Variants in TOM1 observed in about 807,000 individuals in gnomAD.
TOM1 encodes the protein target of Myb protein 1.
Under a neutral mutation model 61.3 loss-of-function variants are expected in TOM1, and 38 were observed. The ratio of observed to expected loss-of-function variants is 0.62; its 90% CI spans 0.48 to 0.81. The LOEUF (loss-of-function observed/expected upper bound fraction) is 0.81, where lower values mean the gene tolerates loss of function less well. Among genes scored for constraint, TOM1 ranks in the 40% least tolerant of loss-of-function variants. The pLI is 0.00. For missense variants in TOM1, 591 were observed against 659.6 expected (o/e 0.90, Z 1.14); for synonymous variants, 270 against 268.8 (o/e 1.00, Z -0.04).
chr22:35,337,537 G>T (rs1378179700), intron 11 of TOM1, among the ~76,000 whole-genome samples: 1 of 152,226 alleles, frequency 6.6e-6, no homozygotes, highest in African/African-American at 2.4e-5. Context: ...AGCAAACTCT[G>T]CCCCTGGTGG....
At chr22:35,315,284 G>T (rs936346091) in intron 1 of TOM1, among the ~76,000 whole-genome samples, 1 of 152,114 alleles carries the variant, frequency 6.6e-6, no homozygotes, top group African/African-American at 2.4e-5. Context: ...TGGCTAGGGA[G>T]GGAGATGACA....
At position 35,323,070 on chromosome 22, in the gene TOM1, G is replaced by T. The variant is rs200595303; in HGVS notation, c.259G>T (p.Val87Leu). The T allele has an allele frequency of 3.1e-6, 5 of 1,614,052 alleles. No individual in the cohort carries two copies. The South Asian group carries it at 4.4e-5, about 14-fold the overall frequency. ...CAAGAACTGCGGGCACCGCTTCCAC[G>T]TGCTGGTGGCCAGCCAGGACTTCGT... Reference protein sequence around the residue: ...CVKNCGHRFHVLVASQDFVES... With the variant: ...CVKNCGHRFHLLVASQDFVES... The change falls in exon 4 of 15, where the codon GTG becomes TTG. Residue 87 changes from valine to leucine, a missense_variant. By Grantham distance (32) the Val-to-Leu change is conservative. Coordinates refer to ENST00000449058, the MANE Select transcript of TOM1 (RefSeq NM_005488.3). This position sits in a 1 kb window ranked among gnomAD's most constrained non-coding sequence, Gnocchi z 4.2.
chr22:35,338,337 C>T (rs1467975081), intron 11 of TOM1, among the ~76,000 whole-genome samples: 2 of 152,184 alleles, frequency 1.3e-5, no homozygotes, highest in Admixed American at 1.3e-4. Flanking sequence ...CGACCTCATA[C>T]ACAACCACAG....
chr22:35,334,214 C>T, intron 10 of TOM1, 114 bp from the exon 11 acceptor site: 1 of 1,430,538 alleles, frequency 7.0e-7, no homozygotes, highest in Non-Finnish European at 9.4e-7. Flanking sequence ...ATTCCCCCAC[C>T]CACACGTGCC....
intron 12 of TOM1, among the ~76,000 whole-genome samples, chr22:35,340,595 A>G (rs576814105): frequency 6.6e-6 from 1 of 152,014 alleles, no homozygotes; most frequent in Non-Finnish European, 1.5e-5. Context: ...AAATATTTAA[A>G]AATTATCCGG....
intron 1 of TOM1, among the ~76,000 whole-genome samples, chr22:35,309,643 C>A (rs1230387442): frequency 2.7e-3 from 302 of 110,992 alleles, no homozygotes; most frequent in African/African-American, 3.6e-3. Flanking sequence ...GACTCCATCT[C>A]AAAAAAAAAA....
intron 2 of TOM1, among the ~76,000 whole-genome samples, chr22:35,321,203 T>A (rs1314273607): frequency 1.3e-5 from 2 of 151,934 alleles, no homozygotes; most frequent in Non-Finnish European, 2.9e-5. Flanking sequence ...AATGAAAACA[T>A]TATGCCTCCA....
chr22:35,303,078 A>G (rs1376192969), intron 1 of TOM1, among the ~76,000 whole-genome samples: 2 of 152,002 alleles, frequency 1.3e-5, no homozygotes, highest in African/African-American at 4.8e-5. Context: ...GATGCTAATC[A>G]GGAATGAGTG....
At chr22:35,317,449 A>G (rs1385895993) in intron 1 of TOM1, among the ~76,000 whole-genome samples, 1 of 152,152 alleles carries the variant, frequency 6.6e-6, no homozygotes, top group African/African-American at 2.4e-5. Flanking sequence ...CAGCCTCCCA[A>G]AGTGCTGGGA....
At chr22:35,338,087 G>A (rs553659914) in intron 11 of TOM1, among the ~76,000 whole-genome samples, 28 of 152,144 alleles carry the variant, frequency 1.8e-4, no homozygotes, top group African/African-American at 2.4e-4. Flanking sequence ...AGCCTCTGCC[G>A]CTCCCAGCCC....
chr22:35,305,257 A>G (rs781264342), intron 1 of TOM1, among the ~76,000 whole-genome samples: 7 of 152,192 alleles, frequency 4.6e-5, no homozygotes, highest in African/African-American at 7.2e-5. Context: ...CATCTCCCCT[A>G]TTGGCAACAC....
intron 11 of TOM1, among the ~76,000 whole-genome samples, chr22:35,335,101 G>A (rs5999796): frequency 0.27 from 40,695 of 152,054 alleles, 8,515 homozygotes; most frequent in African/African-American, 0.57. Context: ...ACCCCTTGCC[G>A]GGACCTGCGG....
chr22:35,335,952 G>T (rs953927279), intron 11 of TOM1, among the ~76,000 whole-genome samples: 1 of 152,044 alleles, frequency 6.6e-6, no homozygotes, highest in Non-Finnish European at 1.5e-5. Context: ...CCTGGCTCCC[G>T]CACAGCAGCT....
chr22:35,328,556 T>G (rs1217085365), intron 7 of TOM1, among the ~76,000 whole-genome samples: 2 of 152,178 alleles, frequency 1.3e-5, no homozygotes, highest in African/African-American at 4.8e-5. Flanking sequence ...TGGCTCCAAG[T>G]GCTGCTCTTC....
At position 35,335,113 on chromosome 22, in the gene TOM1, A is replaced by G. The variant is rs1459285259; in HGVS notation, c.1148+665A>G. On this transcript the variant is annotated intron_variant, in intron 11 of 14. Coordinates refer to ENST00000449058, the MANE Select transcript of TOM1 (RefSeq NM_005488.3). Reference sequence around the variant, plus strand: ...CTGACCCCTTGCCGGGACCTGCGGGAGAACTGGCCCCGTACAGGCTTGTAA... The same window carrying G: ...CTGACCCCTTGCCGGGACCTGCGGGGGAACTGGCCCCGTACAGGCTTGTAA... Among the ~76,000 whole-genome samples the G allele has an allele frequency of 2.0e-5, 3 of 152,126 alleles. No individual in the cohort carries two copies. The East Asian group carries it at 5.8e-4, about 29-fold the overall frequency.
chr22:35,331,458 C>T, intron 8 of TOM1: 1 of 363,014 alleles, frequency 2.8e-6, no homozygotes, highest in Non-Finnish European at 5.5e-6. Flanking sequence ...CCAAGAGAGA[C>T]TTGGATTGGC....
At chr22:35,338,935 G>T in intron 12 of TOM1, 147 bp downstream of exon 12, 1 of 739,588 alleles carries the variant, frequency 1.4e-6, no homozygotes, top group Non-Finnish European at 2.1e-6. Flanking sequence ...GTTCTTTTTG[G>T]CTAGTGTGGT....
At chr22:35,337,612 C>T (rs1307545715) in intron 11 of TOM1, among the ~76,000 whole-genome samples, 1 of 152,248 alleles carries the variant, frequency 6.6e-6, no homozygotes, top group African/African-American at 2.4e-5. Context: ...ATTCAAGAAG[C>T]CCCTTTCAGT....
At chr22:35,304,953 G>A (rs1926186728) in intron 1 of TOM1, among the ~76,000 whole-genome samples, 1 of 152,208 alleles carries the variant, frequency 6.6e-6, no homozygotes, top group African/African-American at 2.4e-5. Context: ...TTGGGGTGGT[G>A]GGAGCTGGGT....
Sources: gnomAD v4.1 joint callset for allele counts (sites outside exome capture counted in the v4.1 genomes callset) on GRCh38, gnomAD v4.1.1 for gene constraint, Gnocchi (gnomAD v3.1) non-coding constraint, MANE v1.5 for transcripts, NCBI Gene and HGNC (gene_info 2026-07-23, HGNC 2026-07-21) for gene names.